STARD13: variants seen among roughly 807,000 people sequenced by gnomAD.
The protein encoded by STARD13 is StAR related lipid transfer domain containing 13, also known as stAR-related lipid transfer protein 13.
Under a neutral mutation model 106.4 loss-of-function variants are expected in STARD13, and 62 were observed. That is an observed-to-expected ratio of 0.58 (90% CI 0.48 to 0.72). STARD13 has a LOEUF of 0.72. Ranked by LOEUF, STARD13 falls within the 30% of genes least tolerant of loss-of-function variation. The pLI is 0.00. For missense variants in STARD13, 1,387 were observed against 1,424.0 expected, an observed-to-expected ratio of 0.97 and a Z score of 0.42; for synonymous variants, 565 against 553.0, an observed-to-expected ratio of 1.02 and a Z score of -0.31.
At chr13:33,629,013 G>A in the STARD13 span, among the ~76,000 whole-genome samples, 1,970 of 152,272 alleles carry the variant, frequency 0.013, 40 homozygotes, top group African/African-American at 0.045. Flanking sequence ...AAAGAGGGTC[G>A]CCAGCAGCTT....
chr13:33,422,156 G>A, the STARD13 span, among the ~76,000 whole-genome samples: 1 of 152,172 alleles, frequency 6.6e-6, no homozygotes, highest in Non-Finnish European at 1.5e-5. Context: ...AAGTCAAACT[G>A]TGCCTGTTTG....
chr13:33,496,530 C>T, the STARD13 span, among the ~76,000 whole-genome samples: 3 of 151,886 alleles, frequency 2.0e-5, no homozygotes, highest in African/African-American at 7.2e-5. Context: ...TATGCAATTT[C>T]TCTTCTTATA....
rs530961578 is a variant in STARD13 at position 33,212,420 on chromosome 13, T to C, written c.170-44798A>G. Reference sequence around the variant, plus strand: ...ATAAAGCCACTTTCTACTGTTGAATTATTCTTATTTACAGCAATAGAAATG... The same window carrying C: ...ATAAAGCCACTTTCTACTGTTGAATCATTCTTATTTACAGCAATAGAAATG... On this transcript the variant is annotated intron_variant, in intron 1 of 13. Transcript: ENST00000336934. Among the ~76,000 whole-genome samples the C allele has an allele frequency of 1.1e-4, 17 of 152,334 alleles. No individual in the cohort carries two copies. In the South Asian group the frequency reaches 3.5e-3, roughly 32 times the overall value.
the STARD13 span, among the ~76,000 whole-genome samples, chr13:33,538,385 C>T: frequency 2.0e-5 from 3 of 152,076 alleles, no homozygotes; most frequent in East Asian, 1.9e-4. Context: ...AATAAAAATG[C>T]GAGTTCAGGG....
upstream of STARD13, among the ~76,000 whole-genome samples, chr13:33,354,230 TA>T (rs920541887): frequency 4.0e-4 from 61 of 152,334 alleles, no homozygotes; most frequent in African/African-American, 1.4e-3. Context: ...AATTTCAGCA[TA>T]AAAAGAGTCC....
chr13:33,480,751 T>C, the STARD13 span, among the ~76,000 whole-genome samples: 3 of 152,260 alleles, frequency 2.0e-5, no homozygotes, highest in East Asian at 1.9e-4. Context: ...ATGACTAGTG[T>C]AGTAGCAATG....
chr13:33,116,327 C>T (rs551743853), intron 8 of STARD13, among the ~76,000 whole-genome samples: 24 of 152,342 alleles, frequency 1.6e-4, no homozygotes, highest in Middle Eastern at 6.8e-3. Context: ...ATCTCTCCCT[C>T]CTTGGACTTT....
At chr13:33,563,773 A>G in the STARD13 span, among the ~76,000 whole-genome samples, 1 of 147,808 alleles carries the variant, frequency 6.8e-6, no homozygotes, top group African/African-American at 2.5e-5. Flanking sequence ...GGAAAGAATC[A>G]AAGTGAAGAG....
the STARD13 span, among the ~76,000 whole-genome samples, chr13:33,622,614 C>CAAAAAAAA: frequency 1.7e-3 from 49 of 28,186 alleles, 9 homozygotes; most frequent in Admixed American, 2.1e-3. Context: ...GACTCCGTCT[C>CAAAAAAAA]AAAAAAAAAA....
the STARD13 span, among the ~76,000 whole-genome samples, chr13:33,508,403 G>T: frequency 6.6e-6 from 1 of 152,134 alleles, no homozygotes; most frequent in African/African-American, 2.4e-5. Flanking sequence ...ATAGATAGTA[G>T]GGACAAGTGG....
chr13:33,398,055 G>A, the STARD13 span, among the ~76,000 whole-genome samples: 4 of 152,206 alleles, frequency 2.6e-5, no homozygotes. Flanking sequence ...CAAATATGTT[G>A]ACCAAATTGT....
chr13:33,621,538 G>A, the STARD13 span, among the ~76,000 whole-genome samples: 1 of 151,570 alleles, frequency 6.6e-6, no homozygotes, highest in African/African-American at 2.4e-5. Context: ...AAATTAGCCG[G>A]GTGTGGTGGT....
At chr13:33,445,692 C>T in the STARD13 span, among the ~76,000 whole-genome samples, 1 of 152,104 alleles carries the variant, frequency 6.6e-6, no homozygotes, top group East Asian at 1.9e-4. Flanking sequence ...GGGCCTCAGG[C>T]TATTTCCACT....
chr13:33,215,065 T>G (rs1034578058), intron 1 of STARD13, among the ~76,000 whole-genome samples: 2 of 136,142 alleles, frequency 1.5e-5, no homozygotes, highest in African/African-American at 5.5e-5. Flanking sequence ...AAGAAAATGC[T>G]TTGCCCAGCT....
chr13:33,516,274 A>G, the STARD13 span, among the ~76,000 whole-genome samples: 2 of 149,624 alleles, frequency 1.3e-5, no homozygotes, highest in East Asian at 3.9e-4. Context: ...AATTTCATAT[A>G]TAGTTGAAAT....
the STARD13 span, among the ~76,000 whole-genome samples, chr13:33,610,644 C>T: frequency 6.6e-6 from 1 of 152,244 alleles, no homozygotes; most frequent in Admixed American, 6.5e-5. Context: ...CCTGGGGCCA[C>T]CAGGAGGAGT....
the STARD13 span, among the ~76,000 whole-genome samples, chr13:33,495,608 C>A: frequency 1.3e-5 from 2 of 151,834 alleles, no homozygotes; most frequent in South Asian, 2.1e-4. Context: ...TTGCCAAATA[C>A]TTGCCATGTA....
At chr13:33,627,343 T>G in the STARD13 span, among the ~76,000 whole-genome samples, 3 of 152,140 alleles carry the variant, frequency 2.0e-5, no homozygotes, top group African/African-American at 7.2e-5. Context: ...CTATAACATA[T>G]GTATTATGTC....
rs553446786 is a variant in STARD13, at chr13:33,312,370, C to G, written c.124+37920G>C. Among the ~76,000 whole-genome samples the G allele has an allele frequency of 2.6e-5, 4 of 152,276 alleles. No individual in the cohort carries two copies. The South Asian group carries it at 8.3e-4, about 32-fold the overall frequency. On this transcript the variant is annotated intron_variant, in intron 1 of 5. Transcript: ENST00000567873. Reference sequence around the variant, plus strand: ...GAAGATAGTCTTTCAAGTTGAAATTCCCTTGTCAGGGGTGTTTTGTGCCTA... The same window carrying G: ...GAAGATAGTCTTTCAAGTTGAAATTGCCTTGTCAGGGGTGTTTTGTGCCTA...
Sources: gnomAD v4.1 joint callset for allele counts (sites outside exome capture counted in the v4.1 genomes callset) on GRCh38, gnomAD v4.1.1 for gene constraint, MANE v1.5 for transcripts, NCBI Gene and HGNC (gene_info 2026-07-23, HGNC 2026-07-21) for gene names.